Variants in TUT7 observed in about 807,000 individuals in gnomAD.
TUT7 encodes terminal uridylyltransferase 7.
TUT7 carries 33 observed loss-of-function variants against 165.9 expected under a neutral mutation model. That is an observed-to-expected ratio of 0.20 (90% CI 0.15 to 0.27). The LOEUF (loss-of-function observed/expected upper bound fraction) is 0.27, where lower values mean the gene tolerates loss of function less well. Among genes scored for constraint, TUT7 ranks in the 10% least tolerant of loss-of-function variants. TUT7 has a pLI of 1.00. For missense variants in TUT7, 1,338 were observed against 1,762.3 expected (o/e 0.76, Z 4.31); for synonymous variants, 552 against 608.1 (o/e 0.91, Z 1.36).
At chr9:86,330,232 A>G (rs918942069) in intron 10 of TUT7, among the ~76,000 whole-genome samples, 1 of 151,660 alleles carries the variant, frequency 6.6e-6, no homozygotes, top group Admixed American at 6.6e-5. Context: ...TAATTTTTTT[A>G]TATTTTTTTA....
Position 86,313,728 on chromosome 9 carries a change from A to G in TUT7, c.3275-2919T>C, listed in dbSNP as rs140138663. ...TCAACAACCATGAAAAAGGATTCACAAGGAAGGGCAGATTAATGGAGTTGG... is the reference window on the plus strand; with the variant it reads ...TCAACAACCATGAAAAAGGATTCACGAGGAAGGGCAGATTAATGGAGTTGG... On this transcript the variant is annotated intron_variant, in intron 17 of 26. Coordinates refer to ENST00000375963, the MANE Select transcript of TUT7 (RefSeq NM_024617.4). 2.6e-3 allele frequency among the ~76,000 whole-genome samples: 392 copies of G among 152,310 alleles called. 2 individuals are homozygous for G. Among genetic ancestry groups the G allele is most frequent in the Non-Finnish European group, 4.3e-3 (292 of 68,022 alleles).
intron 26 of TUT7, among the ~76,000 whole-genome samples, chr9:86,292,035 A>G (rs1206954453): frequency 2.0e-5 from 3 of 152,200 alleles, no homozygotes; most frequent in African/African-American, 7.2e-5. Flanking sequence ...CACCATATAA[A>G]AGTTTTAAAA....
At chr9:86,326,174 G>A (rs1188374698) in intron 11 of TUT7, among the ~76,000 whole-genome samples, 2 of 152,206 alleles carry the variant, frequency 1.3e-5, no homozygotes, top group African/African-American at 4.8e-5. Flanking sequence ...GCTCTTAATT[G>A]CTCTGTGACT....
In TUT7 at chr9:86,323,912, G is replaced by A; in HGVS notation, c.1838C>T (p.Pro613Leu). ...ACAATGAAGTATATATTCAAACACA[G>A]GTTGACTATTTAGGGTTCTTGCCAC... The part of the protein sequence containing the change: ...RNVARTLNSQ[P>L]VFEYILHCLR... Residue 613 changes from proline (P) to leucine (L), a missense_variant, in exon 13 of 27, where the codon CCT (proline) becomes CTT (leucine). Around this residue, in one of 7 missense-constraint regions of TUT7, gnomAD observed 425 missense variants for 474.9 expected, o/e 0.89. Transcript: ENST00000375963. The A allele has an allele frequency of 6.2e-7, 1 of 1,610,280 alleles. No individual in the cohort carries two copies. Among genetic ancestry groups the A allele is most frequent in the Non-Finnish European group, 8.5e-7 (1 of 1,177,756 alleles).
At chr9:86,337,279 G>A in intron 10 of TUT7, 140 bp downstream of exon 10, 2 of 924,468 alleles carry the variant, frequency 2.2e-6, no homozygotes, top group South Asian at 1.7e-5. Flanking sequence ...GCAGTGAAAG[G>A]TATGAATATT....
chr9:86,315,955 C>A (rs1333315516), intron 17 of TUT7, among the ~76,000 whole-genome samples: 4 of 151,946 alleles, frequency 2.6e-5, no homozygotes, highest in Admixed American at 6.6e-5. Flanking sequence ...AAAAGTGGCA[C>A]CCAAGGTGTA....
At chr9:86,347,880 AT>A (rs558159680) in intron 2 of TUT7, among the ~76,000 whole-genome samples, 4,922 of 148,514 alleles carry the variant, frequency 0.033, 284 homozygotes, top group African/African-American at 0.11. Flanking sequence ...GGTCTGAACA[AT>A]TTTTTTTTTT....
intron 16 of TUT7, among the ~76,000 whole-genome samples, chr9:86,317,697 G>A (rs1339555537): frequency 6.6e-6 from 1 of 152,194 alleles, no homozygotes; most frequent in African/African-American, 2.4e-5. Flanking sequence ...AAGAGTTGAT[G>A]AATTGCTGTG....
chr9:86,289,719 A>G (rs1344478898), intron 26 of TUT7, among the ~76,000 whole-genome samples: 1 of 152,124 alleles, frequency 6.6e-6, no homozygotes, highest in Admixed American at 6.5e-5. Context: ...AAAATGGCAT[A>G]AGTATATGAA....
chr9:86,319,595 T>C lies in TUT7; in HGVS notation c.3104A>G (p.Gln1035Arg). 3 of 1,602,154 alleles carry C rather than the reference T, an allele frequency of 1.9e-6. No individual in the cohort carries two copies. Among genetic ancestry groups the C allele is most frequent in the Non-Finnish European group, 1.7e-6 (2 of 1,174,606 alleles). ...IRQNLESFIR[Q>R]DFPGTKLSLF... ...AATAAATCATTTACCTGGAAAGTCC[T>C]GTCTTATGAAACTTTCTAGGTTTTG... The change falls in exon 15 of 27, where the codon CAG (glutamine) becomes CGG (arginine). Residue 1035 changes from glutamine (Q) to arginine (R), a missense_variant. Coordinates refer to ENST00000375963, the MANE Select transcript of TUT7 (RefSeq NM_024617.4).
intron 10 of TUT7, 90 bp from the exon 11 acceptor site, chr9:86,328,582 AG>A (rs769081243): frequency 9.1e-5 from 97 of 1,062,552 alleles, no homozygotes; most frequent in Non-Finnish European, 1.2e-4. Context: ...AAATACTCAT[AG>A]TTCAACGAAA....
intron 19 of TUT7, 40 bp downstream of exon 19, chr9:86,309,888 A>C: frequency 6.4e-7 from 1 of 1,555,130 alleles, no homozygotes; most frequent in Middle Eastern, 1.7e-4. Flanking sequence ...TAAAGATGCA[A>C]TGAAATTTCC....
At position 86,352,661 on chromosome 9, in the gene TUT7, A is replaced by T; in HGVS notation, c.520+19T>A. The T allele has an allele frequency of 6.2e-7, 1 of 1,614,090 alleles. No homozygotes were observed. On this transcript the variant is annotated intron_variant, in intron 2 of 26. Transcript: ENST00000375963. ...TTGCTGACTCTGGGGTTGTGATCTGACAAGTTGGAAAACATTACCAGGACT... is the reference window on the plus strand; with the variant it reads ...TTGCTGACTCTGGGGTTGTGATCTGTCAAGTTGGAAAACATTACCAGGACT...
chr9:86,338,212 T>C (rs892384710), intron 9 of TUT7, among the ~76,000 whole-genome samples: 3 of 143,504 alleles, frequency 2.1e-5, no homozygotes, highest in African/African-American at 7.9e-5. Context: ...TGGAATCTCT[T>C]TTTTTTTTTT....
chr9:86,297,184 G>C (rs1038346939), intron 26 of TUT7, among the ~76,000 whole-genome samples: 2 of 152,134 alleles, frequency 1.3e-5, no homozygotes, highest in African/African-American at 4.8e-5. Flanking sequence ...ACTGAACAAT[G>C]CTGGCACTGG....
Position 86,319,650 on chromosome 9 carries a change from T to A in TUT7, c.3049A>T (p.Ile1017Leu). 1 of 1,608,360 alleles carries A rather than the reference T, an allele frequency of 6.2e-7. No individual in the cohort carries two copies. The highest frequency in any genetic ancestry group is 8.5e-7 in the Non-Finnish European group (1 of 1,177,858). The change falls in exon 15 of 27, where the codon ATA (isoleucine) becomes TTA (leucine). Residue 1017 changes from isoleucine to leucine, a missense_variant. Transcript: ENST00000375963. ...QCYKDFSPTI[I>L]EDQAREHIRQ... is the part of the protein sequence containing the mutation. Reference sequence around the variant, plus strand: ...ATATGTTCACGAGCCTGATCTTCTATAATTGTTGGAGAAAAATCCTCTGTT... The same window carrying A: ...ATATGTTCACGAGCCTGATCTTCTAAAATTGTTGGAGAAAAATCCTCTGTT...
chr9:86,312,472 C>CTGTG (rs1329608744), intron 17 of TUT7, among the ~76,000 whole-genome samples: 1 of 151,944 alleles, frequency 6.6e-6, no homozygotes, highest in African/African-American at 2.4e-5. Context: ...GGCAGCCACC[C>CTGTG]CATCCGGGAG....
intron 10 of TUT7, among the ~76,000 whole-genome samples, chr9:86,335,440 G>A (rs1042424671): frequency 2.0e-5 from 3 of 152,124 alleles, no homozygotes; most frequent in African/African-American, 4.8e-5. Flanking sequence ...AGGTTGGAGA[G>A]GGTTGGAGTC....
intron 12 of TUT7, among the ~76,000 whole-genome samples, chr9:86,324,888 C>T (rs571814453): frequency 4.6e-5 from 7 of 152,194 alleles, no homozygotes; most frequent in Non-Finnish European, 1.5e-5. Flanking sequence ...ATTCTCTCTA[C>T]TGGAGAGGAA....
Sources: gnomAD v4.1 joint callset for allele counts (sites outside exome capture counted in the v4.1 genomes callset) on GRCh38, gnomAD v4.1.1 for gene constraint, gnomAD v4.1.1 regional missense constraint, MANE v1.5 for transcripts, NCBI Gene and HGNC (gene_info 2026-07-23, HGNC 2026-07-21) for gene names.